The following MND1 variants were observed in gnomAD, a reference collection of about 807,000 sequenced individuals.
MND1 encodes meiotic nuclear divisions 1, also known as meiotic nuclear division protein 1 homolog.
In MND1, 28 loss-of-function variants were observed where a neutral mutation model predicts 35.1. The ratio of observed to expected loss-of-function variants is 0.80; its 90% CI spans 0.59 to 1.09. The LOEUF is 1.09. Ranked by LOEUF, MND1 falls within the 50% of genes least tolerant of loss-of-function variation. The pLI is 0.00. For missense variants in MND1, 213 were observed against 239.6 expected (o/e 0.89, Z 0.73); for synonymous variants, 69 against 70.5 (o/e 0.98, Z 0.11).
chr4:153,363,413 C>A (rs188101853), intron 4 of MND1, among the ~76,000 whole-genome samples: 1 of 152,030 alleles, frequency 6.6e-6, no homozygotes, highest in African/African-American at 2.4e-5. Flanking sequence ...GGTTTTGCCG[C>A]TTTAGCCAGG....
At chr4:153,358,432 T>C (rs775152126) in intron 3 of MND1, 42 bp from the exon 4 acceptor site, 2 of 1,466,206 alleles carry the variant, frequency 1.4e-6, no homozygotes, top group African/African-American at 1.4e-5. Context: ...ATTTTATTTA[T>C]GGTGTTTTTC....
intron 4 of MND1, chr4:153,361,462 C>A (rs1447041002): frequency 2.0e-5 from 9 of 456,076 alleles, no homozygotes; most frequent in African/African-American, 4.0e-5. Flanking sequence ...GATGTTTTAT[C>A]ATGAATCCGA....
intron 4 of MND1, among the ~76,000 whole-genome samples, chr4:153,381,358 C>A (rs1357798981): frequency 2.6e-5 from 4 of 151,650 alleles, no homozygotes; most frequent in Non-Finnish European, 5.9e-5. Context: ...AATTCCCATT[C>A]CCAAACACCC....
chr4:153,380,037 T>A (rs1728628800), intron 4 of MND1, among the ~76,000 whole-genome samples: 1 of 148,572 alleles, frequency 6.7e-6, no homozygotes, highest in African/African-American at 2.5e-5. Context: ...CCAAAAAAAA[T>A]TATTCACTGT....
In MND1 at chr4:153,363,215, T is replaced by C. The variant is rs989037947; in HGVS notation, c.276+4593T>C. Among the ~76,000 whole-genome samples, 3 of 32,676 alleles carry C rather than the reference T, an allele frequency of 9.2e-5. No homozygotes were observed. In the African/African-American group the frequency reaches 1.7e-3, roughly 19 times the overall value. The allele number at this position is 32,676 out of a possible 152,430, so 21.4% of individuals were successfully genotyped here. A position where few individuals can be genotyped will look rare whatever the true frequency, so the allele number is the denominator to read the frequency against. On this transcript the variant is annotated intron_variant, in intron 4 of 7. Transcript: ENST00000240488. ...CATTTCTGTCACCTGGGGATAGTTC[T>C]TTTTTTTTTTTTTGAGATGGAGTTT...
chr4:153,363,201 C>A (rs1233077843), intron 4 of MND1, among the ~76,000 whole-genome samples: 1 of 141,594 alleles, frequency 7.1e-6, no homozygotes. Context: ...ATTTCTGTCA[C>A]CTGGGGATAG....
intron 2 of MND1, among the ~76,000 whole-genome samples, 158 bp downstream of exon 2, chr4:153,350,287 T>C (rs1196703193): frequency 6.6e-6 from 1 of 152,238 alleles, no homozygotes; most frequent in Admixed American, 6.5e-5. Flanking sequence ...CTGTGAGTTA[T>C]GGAGTGTGAA....
chr4:153,409,188 T>A (rs183321986), intron 7 of MND1, 173 bp downstream of exon 7: 37 of 236,392 alleles, frequency 1.6e-4, no homozygotes, highest in African/African-American at 2.8e-4. Flanking sequence ...AGGTTTTTTT[T>A]ATAATCTTAT....
intron 2 of MND1, among the ~76,000 whole-genome samples, chr4:153,352,766 AAAC>A (rs1350429426): frequency 9.4e-5 from 14 of 148,792 alleles, no homozygotes; most frequent in African/African-American, 3.1e-4. Context: ...AAAAAAAAAA[AAAC>A]ACAACGATAT....
chr4:153,407,463 A>G (rs1023217218), intron 6 of MND1, among the ~76,000 whole-genome samples: 10 of 151,928 alleles, frequency 6.6e-5, no homozygotes, highest in South Asian at 2.1e-4. Flanking sequence ...CTCCATCTCA[A>G]AAAAAAATAG....
chr4:153,405,778 A>T (rs1163575649), intron 6 of MND1, among the ~76,000 whole-genome samples: 1 of 152,136 alleles, frequency 6.6e-6, no homozygotes, highest in Non-Finnish European at 1.5e-5. Context: ...AAGAGCTGAA[A>T]CTATGAAACT....
At chr4:153,408,523 C>T (rs1729584494) in intron 6 of MND1, among the ~76,000 whole-genome samples, 1 of 151,932 alleles carries the variant, frequency 6.6e-6, no homozygotes, top group Admixed American at 6.6e-5. Flanking sequence ...CTTTCTTATC[C>T]CTAAAATTTT....
intron 1 of MND1, 112 bp downstream of exon 1, chr4:153,344,852 G>C: frequency 6.7e-7 from 1 of 1,499,898 alleles, no homozygotes; most frequent in Non-Finnish European, 8.9e-7. Context: ...TCCGGGCCGC[G>C]GGAGCGGTCG....
At chr4:153,408,914 A>ATATATATATAAAAATACATTTCATTT in intron 6 of MND1, 57 bp from the exon 7 acceptor site, 1 of 228,870 alleles carries the variant, frequency 4.4e-6, no homozygotes, top group Non-Finnish European at 6.8e-6. Context: ...TTTTGTGTGT[A>ATATATATATAAAAATACATTTCATTT]TATATATATA....
intron 6 of MND1, 59 bp from the exon 7 acceptor site, chr4:153,408,912 G>GTATATA (rs10552163): frequency 0.13 from 40,609 of 315,462 alleles, 2,082 homozygotes; most frequent in Admixed American, 0.22. Context: ...CATTTTGTGT[G>GTATATA]TATATATATA....
At chr4:153,382,124 T>C (rs1370417705) in intron 4 of MND1, 1 of 152,164 alleles carries the variant, frequency 6.6e-6, no homozygotes, top group Non-Finnish European at 1.5e-5. Flanking sequence ...TCCAGGCCTG[T>C]ATTTCATCAC....
At chr4:153,366,836 G>T (rs1210392755) in intron 4 of MND1, among the ~76,000 whole-genome samples, 1 of 152,180 alleles carries the variant, frequency 6.6e-6, no homozygotes, top group Non-Finnish European at 1.5e-5. Context: ...GTATTATGAG[G>T]TTAGTATTAT....
At chr4:153,413,155 GTAGTAGGGGC>G (rs1729737555) in intron 7 of MND1, among the ~76,000 whole-genome samples, 4 of 152,060 alleles carry the variant, frequency 2.6e-5, no homozygotes, top group Admixed American at 2.6e-4. Flanking sequence ...ACATTCTGAG[GTAGTAGGGGC>G]TAGGACTTCA....
intron 7 of MND1, among the ~76,000 whole-genome samples, chr4:153,411,724 T>C (rs1729690422): frequency 6.6e-6 from 1 of 152,238 alleles, no homozygotes; most frequent in East Asian, 1.9e-4. Flanking sequence ...CCTACAAGCT[T>C]CCTACATTGT....
Sources: allele counts gnomAD v4.1 joint callset (sites outside exome capture counted in the v4.1 genomes callset), GRCh38; gene constraint gnomAD v4.1.1; transcripts MANE v1.5; gene names NCBI Gene and HGNC (gene_info 2026-07-23, HGNC 2026-07-21).